Variants in DLG4 observed in about 807,000 individuals in gnomAD.
DLG4 encodes disks large homolog 4.
DLG4 carries 7 observed loss-of-function variants against 93.8 expected under a neutral mutation model. The ratio of observed to expected loss-of-function variants is 0.07; its 90% CI spans 0.04 to 0.14. The LOEUF (loss-of-function observed/expected upper bound fraction) is 0.14. Among genes scored for constraint, DLG4 ranks in the 10% least tolerant of loss-of-function variants. DLG4 has a pLI of 1.00. For synonymous variants in DLG4, 341 were observed against 387.6 expected (o/e 0.88, Z 1.41); for missense variants, 545 against 992.9 (o/e 0.55, Z 6.06).
Position 7,194,176 on chromosome 17 carries a change from G to C in DLG4, c.1478+143C>G. The C allele has an allele frequency of 7.4e-7, 1 of 1,342,922 alleles. No individual in the cohort carries two copies. Among genetic ancestry groups the C allele is most frequent in the South Asian group, 1.4e-5 (1 of 69,116 alleles). 83.2% of individuals were successfully genotyped at this position (1,342,922 alleles called of 1,614,324 possible). A position where few individuals can be genotyped will look rare whatever the true frequency, so the allele number is the denominator to read the frequency against. ...AGTTGTCCTTCCCAAAGGCTCATGG[G>C]AGCCACGGACCCCAGGAGGGCCCAA... is the stretch of plus-strand genomic sequence containing the variant. On this transcript the variant is annotated intron_variant, in intron 12 of 19. Transcript: ENST00000399506. This position sits in a 1 kb window ranked among gnomAD's most constrained non-coding sequence, Gnocchi z 4.4.
chr17:7,190,942 C>T (rs2069457574), intron 19 of DLG4, 128 bp from the exon 20 acceptor site: 1 of 704,820 alleles, frequency 1.4e-6, no homozygotes, highest in East Asian at 2.6e-5. Flanking sequence ...CCTGGGGCTG[C>T]ACCCGCCCAC....
chr17:7,214,130 T>C lies in DLG4; in HGVS notation c.30+2988A>G, dbSNP rs1343208584. Among the ~76,000 whole-genome samples the C allele has an allele frequency of 2.6e-5, 4 of 152,130 alleles. 1 individual carries two copies. The East Asian group carries it at 7.7e-4, about 29-fold the overall frequency. On this transcript the variant is annotated intron_variant, in intron 1 of 19. Coordinates refer to ENST00000399506, the MANE Select transcript of DLG4 (RefSeq NM_001321075.3). ...GTCTCCTGGGAACACAGAGCTGAGG[T>C]AGGAGGGGTGCTCTGATGAAATCTG...
At chr17:7,218,869 A>G, upstream of DLG4, 1 of 1,613,060 alleles carries the variant, frequency 6.2e-7, no homozygotes, top group Non-Finnish European at 8.5e-7. Flanking sequence ...CTCTCACTTT[A>G]ATCTCCCTAA....
Position 7,190,013 on chromosome 17 carries a change from C to A in DLG4, c.*695G>T, listed in dbSNP as rs1342024639. ...CCCGACCCCCGACCCCTGCCCCCCACCCTCCCTCCCGCATTTCCCACTCCC... is the reference window on the plus strand; with the variant it reads ...CCCGACCCCCGACCCCTGCCCCCCAACCTCCCTCCCGCATTTCCCACTCCC... On this transcript the variant is annotated 3_prime_UTR_variant, in exon 20 of 20. Coordinates refer to ENST00000399506, the MANE Select transcript of DLG4 (RefSeq NM_001321075.3). 1 of 133,582 alleles carries A rather than the reference C, an allele frequency of 7.5e-6. No individual in the cohort carries two copies. Among genetic ancestry groups the A allele is most frequent in the Non-Finnish European group, 1.6e-5 (1 of 63,020 alleles). 8.3% of individuals were successfully genotyped at this position (133,582 alleles called of 1,614,324 possible). A position where few individuals can be genotyped will look rare whatever the true frequency, so the allele number is the denominator to read the frequency against.
At chr17:7,215,478 G>C (rs1296568882) in intron 1 of DLG4, among the ~76,000 whole-genome samples, 1 of 152,210 alleles carries the variant, frequency 6.6e-6, no homozygotes, top group Non-Finnish European at 1.5e-5. Context: ...GGAATGCAGG[G>C]GACCACAGCC....
rs1236805629 is a variant in DLG4 at position 7,187,315 on chromosome 17, G to GA, written c.*3392_*3393insT. 8.5e-6 allele frequency among the ~76,000 whole-genome samples: 1 copy of GA among 117,412 alleles called. No homozygotes were observed. The highest frequency in any genetic ancestry group is 2.7e-5 in the African/African-American group (1 of 37,148). 77.0% of individuals were successfully genotyped at this position (117,412 alleles called of 152,430 possible). ...AGCACTTTGGGAGGCCGAGGGGGGGGGGGGTGGATCACCCGAGGTCAGGAG... is the reference window on the plus strand; with the variant it reads ...AGCACTTTGGGAGGCCGAGGGGGGGGAGGGGTGGATCACCCGAGGTCAGGAG... On this transcript the variant is annotated 3_prime_UTR_variant, in exon 20 of 20. Coordinates refer to ENST00000399506, the MANE Select transcript of DLG4 (RefSeq NM_001321075.3).
intron 1 of DLG4, among the ~76,000 whole-genome samples, chr17:7,210,398 C>T (rs955386346): frequency 1.3e-5 from 2 of 152,206 alleles, no homozygotes; most frequent in Non-Finnish European, 2.9e-5. Flanking sequence ...AAGATTGAGT[C>T]TATTCTCTGG....
rs371000737 is a variant in DLG4 at position 7,193,141 on chromosome 17, C to A, written c.1694-24G>T. The stretch of plus-strand genomic sequence containing the variant: ...ATCTGCCAGGAAGTCACCCCACCCC[C>A]CAAAGATCTAACCACCATCCCTCTA... On this transcript the variant is annotated intron_variant, in intron 16 of 19. Coordinates refer to ENST00000399506, the MANE Select transcript of DLG4 (RefSeq NM_001321075.3). This position sits in a 1 kb window ranked among gnomAD's most constrained non-coding sequence, Gnocchi z 6.7. 4.9e-5 allele frequency: 79 copies of A among 1,612,832 alleles called. No individual in the cohort carries two copies. The African/African-American group carries it at 8.7e-4, about 18-fold the overall frequency.
Position 7,194,068 on chromosome 17 carries a change from C to A in DLG4, c.1479-68G>T, listed in dbSNP as rs372671064. ...CCCCCTGCCACCCCCATGCTCTGAGCCAGCTGACAACCCCTTCTCCATACT... is the reference window on the plus strand; with the variant it reads ...CCCCCTGCCACCCCCATGCTCTGAGACAGCTGACAACCCCTTCTCCATACT... On this transcript the variant is annotated intron_variant, in intron 12 of 19. Transcript: ENST00000399506. The surrounding 1 kb of genome is among the most constrained non-coding windows in gnomAD (Gnocchi z 4.4). 1,146 of 1,575,538 alleles carry A rather than the reference C, an allele frequency of 7.3e-4. 18 individuals carry two copies. In the East Asian group the frequency reaches 0.023, roughly 31 times the overall value.
At position 7,204,223 on chromosome 17, in the gene DLG4, T is replaced by C. The variant is rs2070332259; in HGVS notation, c.126A>G (p.Thr42=). ...QANSPPVIVN[T]DTLEAPGYEL... ...CATATCCTGGGGCTTCTAGGGTATC[T>C]GTGTTGACAATCACTGGGGGAGAAT... is the stretch of plus-strand genomic sequence containing the variant. Residue 42 remains threonine (T), a synonymous_variant, in exon 3 of 20, where the codon ACA becomes ACG. Transcript: ENST00000399506. 6.2e-7 allele frequency: 1 copy of C among 1,601,854 alleles called. No homozygotes were observed. Among genetic ancestry groups the C allele is most frequent in the South Asian group, 1.1e-5 (1 of 89,990 alleles).
chr17:7,208,347 C>G lies in DLG4; in HGVS notation c.31-108G>C, dbSNP rs889115298. The G allele has an allele frequency of 1.5e-5, 16 of 1,038,774 alleles. No individual in the cohort carries two copies. The African/African-American group carries it at 2.3e-4, about 15-fold the overall frequency. The allele number at this position is 1,038,774 out of a possible 1,614,324, so 64.3% of individuals were successfully genotyped here. On this transcript the variant is annotated intron_variant, in intron 1 of 19. Coordinates refer to ENST00000399506, the MANE Select transcript of DLG4 (RefSeq NM_001321075.3). This position sits in a 1 kb window ranked among gnomAD's most constrained non-coding sequence, Gnocchi z 5.4. ...CCCAGCCAGTGCAGTGCGGAAGGCC[C>G]TGGGGCCTGACCAGCTCCTCCCCCT...
chr17:7,194,551 C>T lies in DLG4; in HGVS notation c.1302-56G>A, dbSNP rs2142831920. 1 of 1,542,528 alleles carries T rather than the reference C, an allele frequency of 6.5e-7. No individual in the cohort carries two copies. The highest frequency in any genetic ancestry group is 1.2e-5 in the South Asian group (1 of 82,998). On this transcript the variant is annotated intron_variant, in intron 11 of 19. Transcript: ENST00000399506. The surrounding 1 kb of genome is among the most constrained non-coding windows in gnomAD (Gnocchi z 4.4). ...CAGCTGAGGACTCCAGGAAGGATGC[C>T]CCAGTCACCCAAAGACCCGGCCCAG... is the stretch of plus-strand genomic sequence containing the variant.
At position 7,193,340 on chromosome 17, in the gene DLG4, T is replaced by C; in HGVS notation, c.1693+143A>G. The C allele has an allele frequency of 9.9e-7, 1 of 1,015,120 alleles. No individual in the cohort carries two copies. Among genetic ancestry groups the C allele is most frequent in the Non-Finnish European group, 1.4e-6 (1 of 707,492 alleles). 62.9% of individuals were successfully genotyped at this position (1,015,120 alleles called of 1,614,324 possible). ...GGGTACTATGGAATGAGAGGGTGGC[T>C]GAGAAGCACCCCTTCTCGGAGAAAC... On this transcript the variant is annotated intron_variant, in intron 16 of 19. Coordinates refer to ENST00000399506, the MANE Select transcript of DLG4 (RefSeq NM_001321075.3). The surrounding 1 kb of genome is among the most constrained non-coding windows in gnomAD (Gnocchi z 6.7).
Position 7,190,395 on chromosome 17 carries a change from G to A in DLG4, c.*313C>T. 2.6e-6 allele frequency: 1 copy of A among 384,330 alleles called. No individual in the cohort carries two copies. The highest frequency in any genetic ancestry group is 4.9e-6 in the Non-Finnish European group (1 of 202,758). The allele number at this position is 384,330 out of a possible 1,614,324, so 23.8% of individuals were successfully genotyped here. ...GTGTGGGAGAGGATGGGGGAGGGCA[G>A]GTGGCCCCCGGTGGGTCTGTGTGTG... On this transcript the variant is annotated 3_prime_UTR_variant, in exon 20 of 20. Coordinates refer to ENST00000399506, the MANE Select transcript of DLG4 (RefSeq NM_001321075.3).
Position 7,190,665 on chromosome 17 carries a change from G to A in DLG4, c.*43C>T, listed in dbSNP as rs746076481. 1 of 1,524,986 alleles carries A rather than the reference G, an allele frequency of 6.6e-7. No individual in the cohort carries two copies. The highest frequency in any genetic ancestry group is 9.1e-7 in the Non-Finnish European group (1 of 1,099,002). The allele number at this position is 1,524,986 out of a possible 1,614,324, so 94.5% of individuals were successfully genotyped here. A position where few individuals can be genotyped will look rare whatever the true frequency, so the allele number is the denominator to read the frequency against. Reference sequence around the variant, plus strand: ...CAATTCAGTCCAGACCAAGGGCCCAGGTGATGGAGGCAGGGCGAGTCCAGG... The same window carrying A: ...CAATTCAGTCCAGACCAAGGGCCCAAGTGATGGAGGCAGGGCGAGTCCAGG... On this transcript the variant is annotated 3_prime_UTR_variant, in exon 20 of 20. Transcript: ENST00000399506.
chr17:7,192,323 G>A (rs1303624811), intron 17 of DLG4: 1 of 350,252 alleles, frequency 2.9e-6, no homozygotes, highest in Non-Finnish European at 5.2e-6. Context: ...GTGGGGCGGG[G>A]TGTGCAAGGC....
chr17:7,218,593 C>T (rs1288061612), upstream of DLG4: 2 of 1,566,586 alleles, frequency 1.3e-6, no homozygotes, highest in Non-Finnish European at 1.7e-6. Flanking sequence ...GTGGGGGTGC[C>T]CACCGCAGCA....
chr17:7,188,467 G>A lies in DLG4; in HGVS notation c.*2241C>T, dbSNP rs2069352981. ...TACCCACTGGAGCACCTGAGAATCAGAGAAAGGAATAGTACCCCAGCAGGT... is the reference window on the plus strand; with the variant it reads ...TACCCACTGGAGCACCTGAGAATCAAAGAAAGGAATAGTACCCCAGCAGGT... On this transcript the variant is annotated 3_prime_UTR_variant, in exon 20 of 20. Coordinates refer to ENST00000399506, the MANE Select transcript of DLG4 (RefSeq NM_001321075.3). Among the ~76,000 whole-genome samples, 1 of 152,116 alleles carries A rather than the reference G, an allele frequency of 6.6e-6. No individual in the cohort carries two copies. Among genetic ancestry groups the A allele is most frequent in the South Asian group, 2.1e-4 (1 of 4,822 alleles).
At chr17:7,204,136 T>G in intron 3 of DLG4, 63 bp downstream of exon 3, 1 of 1,600,568 alleles carries the variant, frequency 6.2e-7, no homozygotes, top group Non-Finnish European at 8.5e-7. Flanking sequence ...CGTCATCTGC[T>G]GCCCTCCCTT....
Sources: gnomAD v4.1 joint callset for allele counts (sites outside exome capture counted in the v4.1 genomes callset) on GRCh38, gnomAD v4.1.1 for gene constraint, Gnocchi (gnomAD v3.1) non-coding constraint, MANE v1.5 for transcripts, NCBI Gene and HGNC (gene_info 2026-07-23, HGNC 2026-07-21) for gene names.